Variants in ERBB4 observed in about 807,000 individuals in gnomAD.
The protein encoded by ERBB4 is receptor tyrosine-protein kinase erbB-4.
A neutral mutation model predicts 158.0 loss-of-function variants in ERBB4; 42 were observed. That is an observed-to-expected ratio of 0.27 (90% confidence interval 0.21 to 0.34). ERBB4 has a LOEUF of 0.34. Ranked by LOEUF, ERBB4 falls within the 10% of genes least tolerant of loss-of-function variation. The probability of loss-of-function intolerance (pLI) is 1.00; values close to 1 mark genes in which losing one functional copy is unlikely to be tolerated. For missense variants in ERBB4, 1,333 were observed against 1,624.1 expected, an observed-to-expected ratio of 0.82 and a Z score of 3.08; for synonymous variants, 583 against 558.7, an observed-to-expected ratio of 1.04 and a Z score of -0.61.
chr2:211,622,770 C>T (rs998681572), intron 18 of ERBB4, among the ~76,000 whole-genome samples: 1 of 150,226 alleles, frequency 6.7e-6, no homozygotes, highest in African/African-American at 2.4e-5. Flanking sequence ...CGAGACCAGC[C>T]TGGCCAACAT....
intron 4 of ERBB4, among the ~76,000 whole-genome samples, chr2:211,756,432 G>A (rs1185761171): frequency 1.3e-5 from 2 of 152,156 alleles, no homozygotes; most frequent in South Asian, 4.1e-4. Flanking sequence ...TTTGAGCATA[G>A]TTTGCATGAG....
At chr2:212,336,077 C>T (rs180732570) in intron 1 of ERBB4, among the ~76,000 whole-genome samples, 8 of 151,952 alleles carry the variant, frequency 5.3e-5, no homozygotes, top group East Asian at 1.9e-4. Context: ...ACTGGGGGAA[C>T]TGGGGGATAC....
At chr2:212,530,419 AT>A (rs1410100468) in intron 1 of ERBB4, among the ~76,000 whole-genome samples, 1 of 152,136 alleles carries the variant, frequency 6.6e-6, no homozygotes, top group African/African-American at 2.4e-5. Flanking sequence ...ATATTCTCAC[AT>A]TCTTTAAGCC....
At chr2:212,249,404 T>C (rs903269858) in intron 1 of ERBB4, among the ~76,000 whole-genome samples, 1 of 118,968 alleles carries the variant, frequency 8.4e-6, no homozygotes, top group African/African-American at 3.1e-5. Flanking sequence ...AAAGATATTG[T>C]GACAATCAAA....
At chr2:212,142,109 T>C (rs1229893977) in intron 1 of ERBB4, among the ~76,000 whole-genome samples, 1 of 152,192 alleles carries the variant, frequency 6.6e-6, no homozygotes, top group Admixed American at 6.5e-5. Context: ...AAATGCTGAT[T>C]ATCAATTTAT....
At chr2:211,983,714 T>C (rs1223795671) in intron 2 of ERBB4, among the ~76,000 whole-genome samples, 1 of 152,162 alleles carries the variant, frequency 6.6e-6, no homozygotes, top group Non-Finnish European at 1.5e-5. Flanking sequence ...ATTAAACTTG[T>C]AAACCCAAGC....
At chr2:212,268,557 T>C (rs931059862) in intron 1 of ERBB4, among the ~76,000 whole-genome samples, 1 of 151,932 alleles carries the variant, frequency 6.6e-6, no homozygotes. Flanking sequence ...AATTCACACA[T>C]GCATTTCATT....
chr2:211,694,403 T>A (rs1262534376), intron 12 of ERBB4, among the ~76,000 whole-genome samples: 1 of 152,210 alleles, frequency 6.6e-6, no homozygotes, highest in African/African-American at 2.4e-5. Context: ...TCTCAGAATT[T>A]CTAGATTACA....
chr2:211,599,205 C>A (rs936458610), intron 19 of ERBB4, among the ~76,000 whole-genome samples: 1 of 152,032 alleles, frequency 6.6e-6, no homozygotes, highest in Non-Finnish European at 1.5e-5. Context: ...GTCTTTAAGC[C>A]AGTGATTCCT....
intron 4 of ERBB4, among the ~76,000 whole-genome samples, chr2:211,753,881 G>T (rs1475950404): frequency 7.8e-6 from 1 of 127,964 alleles, no homozygotes; most frequent in Non-Finnish European, 1.6e-5. Context: ...TTTTTGAGAC[G>T]GAGTCTCGCT....
intron 1 of ERBB4, among the ~76,000 whole-genome samples, chr2:212,522,264 T>G (rs1274448576): frequency 6.6e-6 from 1 of 151,926 alleles, no homozygotes; most frequent in African/African-American, 2.4e-5. Flanking sequence ...ATTGTTAAGG[T>G]CAGGTGAGAT....
chr2:211,820,752 G>A (rs531842998), intron 3 of ERBB4, among the ~76,000 whole-genome samples: 1 of 151,840 alleles, frequency 6.6e-6, no homozygotes, highest in East Asian at 1.9e-4. Context: ...ATCAAGTGCG[G>A]TTTATTCCAG....
At chr2:211,850,657 T>G (rs926378923) in intron 3 of ERBB4, among the ~76,000 whole-genome samples, 6 of 151,762 alleles carry the variant, frequency 4.0e-5, no homozygotes, top group African/African-American at 1.5e-4. Flanking sequence ...CATGTATGAT[T>G]AGAAGGAGCA....
chr2:211,921,593 A>G (rs1447630001), intron 3 of ERBB4, among the ~76,000 whole-genome samples: 1 of 152,130 alleles, frequency 6.6e-6, no homozygotes, highest in African/African-American at 2.4e-5. Context: ...TCTAGAGAGA[A>G]GAACTGAAAG....
chr2:211,993,821 G>A (rs906945988), intron 2 of ERBB4, among the ~76,000 whole-genome samples: 3 of 151,100 alleles, frequency 2.0e-5, no homozygotes, highest in Non-Finnish European at 2.9e-5. Flanking sequence ...AGATTCCAGT[G>A]AGAAACAAAA....
chr2:211,736,672 A>C (rs2074612312), intron 5 of ERBB4, among the ~76,000 whole-genome samples: 1 of 152,292 alleles, frequency 6.6e-6, no homozygotes, highest in Admixed American at 6.5e-5. Flanking sequence ...TGCACAATAC[A>C]GCCTGCCATA....
chr2:211,653,524 T>C (rs1474871880), intron 16 of ERBB4, among the ~76,000 whole-genome samples: 1 of 118,560 alleles, frequency 8.4e-6, no homozygotes, highest in East Asian at 2.8e-4. Context: ...GAATACAATA[T>C]AATGGGGTGG....
intron 1 of ERBB4, among the ~76,000 whole-genome samples, chr2:212,147,867 G>A (rs1382004538): frequency 1.3e-5 from 2 of 152,088 alleles, no homozygotes; most frequent in Non-Finnish European, 2.9e-5. Context: ...CAATTGTGGG[G>A]AGTTGGAATC....
chr2:211,857,276 A>G (rs1358218143), intron 3 of ERBB4, among the ~76,000 whole-genome samples: 1 of 152,096 alleles, frequency 6.6e-6, no homozygotes, highest in East Asian at 1.9e-4. Context: ...TGGCAGTCAC[A>G]CTTAAATTCC....
Sources: allele counts gnomAD v4.1 joint callset (sites outside exome capture counted in the v4.1 genomes callset), GRCh38; gene constraint gnomAD v4.1.1; transcripts MANE v1.5; gene names NCBI Gene and HGNC (gene_info 2026-07-23, HGNC 2026-07-21).